Variants in GUCY2F observed in about 807,000 individuals in gnomAD.
GUCY2F encodes guanylate cyclase 2F, retinal, also known as retinal guanylyl cyclase 2.
A neutral mutation model predicts 73.1 loss-of-function variants in GUCY2F; 61 were observed. That is an observed-to-expected ratio of 0.83 (90% CI 0.68 to 1.03). The LOEUF (loss-of-function observed/expected upper bound fraction) is 1.03. Among genes scored for constraint, GUCY2F ranks in the 50% least tolerant of loss-of-function variants. The pLI, the probability that GUCY2F is intolerant of heterozygous loss-of-function variation, is 0.00. For missense variants in GUCY2F, 912 were observed against 854.3 expected, an observed-to-expected ratio of 1.07 and a Z score of -0.84; for synonymous variants, 331 against 307.8, an observed-to-expected ratio of 1.08 and a Z score of -0.79.
intron 3 of GUCY2F, among the ~76,000 whole-genome samples, chrX:109,460,411 A>G (rs773461138): frequency 9.0e-6 from 1 of 111,671 alleles, no homozygotes; most frequent in South Asian, 3.7e-4. Flanking sequence ...AAAGATTAGG[A>G]ATAAGAATGA....
intron 7 of GUCY2F, among the ~76,000 whole-genome samples, chrX:109,434,023 C>T (rs777619326): frequency 6.4e-5 from 7 of 109,711 alleles, no homozygotes; most frequent in Admixed American, 9.9e-5. Flanking sequence ...GGAAGGGAGG[C>T]GGCAGGGAGA....
intron 11 of GUCY2F, among the ~76,000 whole-genome samples, chrX:109,396,337 C>T (rs904733429): frequency 2.8e-5 from 3 of 106,584 alleles, no homozygotes; most frequent in Admixed American, 9.8e-5. Context: ...AAAGAAAACT[C>T]CCTGGCAGCA....
At chrX:109,430,792 G>A (rs1201626257) in intron 7 of GUCY2F, among the ~76,000 whole-genome samples, 1 of 111,737 alleles carries the variant, frequency 8.9e-6, no homozygotes, top group African/African-American at 3.3e-5. Flanking sequence ...ACTGCCTTGA[G>A]GCGTCTGTAG....
intron 11 of GUCY2F, among the ~76,000 whole-genome samples, chrX:109,397,420 T>C (rs1178308780): frequency 1.8e-5 from 2 of 112,038 alleles, no homozygotes. Context: ...TAAGTGGTTC[T>C]AGTTTTTCTT....
chrX:109,374,978 G>A (rs987689586), intron 19 of GUCY2F, among the ~76,000 whole-genome samples: 19 of 111,749 alleles, frequency 1.7e-4, no homozygotes, highest in African/African-American at 4.9e-4. Flanking sequence ...GAATATGAAA[G>A]TATGTGGATG....
intron 2 of GUCY2F, among the ~76,000 whole-genome samples, chrX:109,466,657 T>C (rs1932475351): frequency 8.9e-6 from 1 of 111,783 alleles, no homozygotes. Flanking sequence ...GTACACTGAG[T>C]AGTTTAATTA....
chrX:109,398,406 C>T, intron 11 of GUCY2F, 143 bp downstream of exon 11: 1 of 529,489 alleles, frequency 1.9e-6, no homozygotes, highest in African/African-American at 2.3e-5. Flanking sequence ...GGCTATAAGT[C>T]CCACCTGTAC....
At chrX:109,411,766 G>A (rs1931115793) in intron 8 of GUCY2F, among the ~76,000 whole-genome samples, 1 of 111,727 alleles carries the variant, frequency 9.0e-6, no homozygotes. Context: ...AATACATGTG[G>A]GAATTGTAAG....
At chrX:109,395,167 C>G (rs1242161638) in intron 12 of GUCY2F, among the ~76,000 whole-genome samples, 174 bp downstream of exon 12, 1 of 111,659 alleles carries the variant, frequency 9.0e-6, no homozygotes, top group Non-Finnish European at 1.9e-5. Flanking sequence ...GTGCTGATGA[C>G]ACTCCAGCAC....
intron 2 of GUCY2F, among the ~76,000 whole-genome samples, chrX:109,473,453 G>A (rs1434022521): frequency 5.4e-5 from 6 of 111,828 alleles, no homozygotes; most frequent in African/African-American, 9.8e-5. Context: ...ACAAGCGCCC[G>A]GGAAGCTATT....
intron 9 of GUCY2F, among the ~76,000 whole-genome samples, chrX:109,404,991 T>G (rs1930939913): frequency 8.9e-6 from 1 of 112,546 alleles, no homozygotes; most frequent in African/African-American, 3.2e-5. Context: ...ATGCTTGTTG[T>G]AGCTTTGCTT....
Position 109,375,919 on chromosome X carries a change from A to G in GUCY2F, c.3307T>C (p.Leu1103=). ...AFQRRKAERQ[L]VRNKP is the part of the protein sequence containing the mutation. ...TTACCTTATGGCTTGTTTCTCACCA[A>G]CTGCCTTTCTGCTTTTCTTCTTTGG... Residue 1103 remains leucine, a synonymous_variant, in exon 19 of 20, where the codon TTG becomes CTG. Transcript: ENST00000218006. 8.3e-7 allele frequency: 1 copy of G among 1,208,070 alleles called. No individual in the cohort carries two copies. Among genetic ancestry groups the G allele is most frequent in the Non-Finnish European group, 1.1e-6 (1 of 892,188 alleles).
intron 7 of GUCY2F, among the ~76,000 whole-genome samples, chrX:109,441,122 T>C (rs1398001077): frequency 8.9e-6 from 1 of 112,194 alleles, no homozygotes; most frequent in Non-Finnish European, 1.9e-5. Flanking sequence ...ACATGCATAG[T>C]AAATACATGG....
At chrX:109,456,126 T>C (rs1040885440) in intron 3 of GUCY2F, among the ~76,000 whole-genome samples, 2 of 112,388 alleles carry the variant, frequency 1.8e-5, no homozygotes, top group Admixed American at 9.4e-5. Flanking sequence ...ATGGATGGCA[T>C]GTGCTGCCAC....
chrX:109,420,045 TACA>T (rs1931329082), intron 8 of GUCY2F, among the ~76,000 whole-genome samples: 2 of 109,058 alleles, frequency 1.8e-5, no homozygotes, highest in African/African-American at 6.6e-5. Flanking sequence ...TTCACCAAGT[TACA>T]ACATTAATTC....
chrX:109,431,923 G>GA (rs1276873568), intron 7 of GUCY2F, among the ~76,000 whole-genome samples: 6 of 101,378 alleles, frequency 5.9e-5, no homozygotes, highest in Admixed American at 1.1e-4. Context: ...AAAAAAAAAA[G>GA]AAAAAAAACT....
At chrX:109,433,659 AAG>A (rs1296389255) in intron 7 of GUCY2F, among the ~76,000 whole-genome samples, 2 of 112,434 alleles carry the variant, frequency 1.8e-5, no homozygotes, top group East Asian at 5.5e-4. Context: ...TTTTTCTTTT[AAG>A]AGAGAATGAT....
intron 15 of GUCY2F, among the ~76,000 whole-genome samples, chrX:109,385,647 T>C (rs1009887198): frequency 1.8e-5 from 2 of 112,036 alleles, no homozygotes; most frequent in African/African-American, 6.5e-5. Context: ...GACTTTTTCT[T>C]GTGCCTTAGG....
intron 11 of GUCY2F, among the ~76,000 whole-genome samples, chrX:109,396,146 C>G (rs1353920228): frequency 9.0e-6 from 1 of 111,297 alleles, no homozygotes; most frequent in Non-Finnish European, 1.9e-5. Flanking sequence ...AAGTAACTTA[C>G]CCGAGGTCAC....
Sources: allele counts gnomAD v4.1 joint callset (sites outside exome capture counted in the v4.1 genomes callset), GRCh38; gene constraint gnomAD v4.1.1; transcripts MANE v1.5; gene names NCBI Gene and HGNC (gene_info 2026-07-23, HGNC 2026-07-21).